NME5: variants seen among roughly 807,000 people sequenced by gnomAD.
NME5 encodes NME/NM23 family member 5, also known as nucleoside diphosphate kinase 5.
In NME5, 18 loss-of-function variants were observed where a neutral mutation model predicts 21.6. The ratio of observed to expected loss-of-function variants is 0.83; its 90% CI spans 0.58 to 1.24. The LOEUF (loss-of-function observed/expected upper bound fraction) is 1.24, where lower values mean the gene tolerates loss of function less well. Ranked by LOEUF, NME5 falls within the 50% of genes most tolerant of loss-of-function variation. NME5 has a pLI of 0.00. For missense variants in NME5, 223 were observed against 255.4 expected, an observed-to-expected ratio of 0.87 and a Z score of 0.86; for synonymous variants, 70 against 80.6, an observed-to-expected ratio of 0.87 and a Z score of 0.71.
chr5:138,136,265 G>A (rs1581388318), intron 2 of NME5, among the ~76,000 whole-genome samples: 2 of 152,212 alleles, frequency 1.3e-5, no homozygotes, highest in African/African-American at 2.4e-5. Context: ...CAGAACTGCT[G>A]GATCAAATGG....
rs1245884787 is a variant in NME5, at chr5:138,132,232, C to T, written c.130-2764G>A. On this transcript the variant is annotated intron_variant, in intron 2 of 5. Transcript: ENST00000265191. ...AAAATTGGTGGTGCACACCTGTAGT[C>T]TCAGTTAATCGGGAGGCTGAGGCAC... is the stretch of plus-strand genomic sequence containing the variant. Among the ~76,000 whole-genome samples the T allele has an allele frequency of 2.0e-5, 3 of 151,664 alleles. No individual in the cohort carries two copies. The East Asian group carries it at 5.8e-4, about 29-fold the overall frequency.
At chr5:138,126,696 C>T (rs1030276159) in intron 4 of NME5, among the ~76,000 whole-genome samples, 12 of 151,458 alleles carry the variant, frequency 7.9e-5, no homozygotes, top group African/African-American at 2.9e-4. Context: ...GCCTATAATC[C>T]CAACATTTTG....
intron 4 of NME5, chr5:138,127,397 A>C (rs528745042): frequency 1.2e-6 from 1 of 837,560 alleles, no homozygotes; most frequent in East Asian, 1.2e-4. Context: ...AAACATGTGA[A>C]ATCTCCAAAA....
chr5:138,127,095 G>A (rs1486840087), intron 4 of NME5, among the ~76,000 whole-genome samples: 2 of 152,132 alleles, frequency 1.3e-5, no homozygotes. Flanking sequence ...TGAGGCAGGA[G>A]GACTGCTTTG....
intron 2 of NME5, among the ~76,000 whole-genome samples, chr5:138,129,822 C>T (rs1485945612): frequency 1.3e-5 from 2 of 151,984 alleles, no homozygotes; most frequent in Non-Finnish European, 1.5e-5. Context: ...GCCGGGCGGG[C>T]GGCATGCGCC....
intron 4 of NME5, among the ~76,000 whole-genome samples, chr5:138,120,480 C>T (rs572863714): frequency 1.3e-5 from 2 of 151,850 alleles, no homozygotes; most frequent in South Asian, 2.1e-4. Flanking sequence ...CCTTGTGAGC[C>T]GCCTGCCTCG....
Position 138,115,647 on chromosome 5 carries a change from T to C in NME5, c.*34A>G. ...AGAAGTACAGCCTTTTATAATAAGA[T>C]AGTTCATGATTTGTTCTTTCGAGGA... is the stretch of plus-strand genomic sequence containing the variant. On this transcript the variant is annotated 3_prime_UTR_variant, in exon 6 of 6. Transcript: ENST00000265191. The C allele has an allele frequency of 7.6e-7, 1 of 1,317,394 alleles. No homozygotes were observed. 81.6% of individuals were successfully genotyped at this position (1,317,394 alleles called of 1,614,324 possible).
intron 5 of NME5, among the ~76,000 whole-genome samples, chr5:138,118,522 G>A (rs1045463210): frequency 9.9e-5 from 15 of 151,690 alleles, no homozygotes; most frequent in Non-Finnish European, 1.9e-4. Context: ...GTCTTGCTCT[G>A]TCACCCAGGC....
rs1561586403 is a variant in NME5, at chr5:138,120,227, G to GTT, written c.437-1292_437-1291insAA. 2.5e-5 allele frequency among the ~76,000 whole-genome samples: 3 copies of GTT among 118,044 alleles called. 1 individual carries two copies. The highest frequency in any genetic ancestry group is 3.4e-5 in the Non-Finnish European group (2 of 59,396). The allele number at this position is 118,044 out of a possible 152,430, so 77.4% of individuals were successfully genotyped here. On this transcript the variant is annotated intron_variant, in intron 4 of 5. Transcript: ENST00000265191. ...TTACAGGTGCAAACCACTGCTCCCA[G>GTT]CTCTTTTTTTTTTTTTTTTTTTTTT...
In NME5 at chr5:138,133,352, G is replaced by A. The variant is rs186319206; in HGVS notation, c.130-3884C>T. Among the ~76,000 whole-genome samples the A allele has an allele frequency of 3.7e-3, 565 of 151,680 alleles. 3 individuals are homozygous for A. Among genetic ancestry groups the A allele is most frequent in the African/African-American group, 0.013 (537 of 41,266 alleles). The stretch of plus-strand genomic sequence containing the variant: ...TGATCTCCTGACCTCATGATCTGCC[G>A]CCTCGGCCTCTCAAAGTGCTGGGAT... On this transcript the variant is annotated intron_variant, in intron 2 of 5. Transcript: ENST00000265191.
chr5:138,124,355 A>G (rs1206982738), intron 4 of NME5, among the ~76,000 whole-genome samples: 1 of 152,004 alleles, frequency 6.6e-6, no homozygotes, highest in East Asian at 1.9e-4. Flanking sequence ...CTTTAGAAAA[A>G]TATCTATTCA....
intron 2 of NME5, among the ~76,000 whole-genome samples, chr5:138,136,175 C>T (rs969670760): frequency 6.6e-6 from 1 of 152,180 alleles, no homozygotes; most frequent in Non-Finnish European, 1.5e-5. Context: ...ATACAGGCAC[C>T]TACTGATGGG....
At position 138,115,597 on chromosome 5, in the gene NME5, C is replaced by T; in HGVS notation, c.*84G>A. 9 of 735,810 alleles carry T rather than the reference C, an allele frequency of 1.2e-5. No homozygotes were observed. The highest frequency in any genetic ancestry group is 4.7e-5 in the South Asian group (2 of 42,980). 45.6% of individuals were successfully genotyped at this position (735,810 alleles called of 1,614,324 possible). ...TTATTTTACTTGTAGTTACTTAAAC[C>T]CTAGAAATAATTTTTTCAAACAGTA... On this transcript the variant is annotated 3_prime_UTR_variant, in exon 6 of 6. Transcript: ENST00000265191.
intron 2 of NME5, among the ~76,000 whole-genome samples, chr5:138,132,817 A>C (rs1751599595): frequency 6.6e-6 from 1 of 152,232 alleles, no homozygotes; most frequent in Non-Finnish European, 1.5e-5. Context: ...ATTTGTTCTC[A>C]AATTGAAATT....
At position 138,118,820 on chromosome 5, in the gene NME5, A is replaced by G; in HGVS notation, c.553T>C (p.Leu185=). The change falls in exon 5 of 6, where the codon TTG becomes CTG. Residue 185 remains leucine (L), a splice_region_variant and synonymous_variant. Coordinates refer to ENST00000265191, the MANE Select transcript of NME5 (RefSeq NM_003551.3). The part of the protein sequence containing the change: ...ELCKQKPADP[L]IWLADWLLKN... Reference sequence around the variant, plus strand: ...GTGTGAATAAAAATATTTCTTACCAAAGGATCTGCTGGTTTTTGCTTACAA... The same window carrying G: ...GTGTGAATAAAAATATTTCTTACCAGAGGATCTGCTGGTTTTTGCTTACAA... 6.3e-7 allele frequency: 1 copy of G among 1,586,880 alleles called. No individual in the cohort carries two copies. The highest frequency in any genetic ancestry group is 2.2e-5 in the East Asian group (1 of 44,712).
intron 2 of NME5, chr5:138,138,389 T>G (rs1284775720): frequency 3.0e-6 from 1 of 336,898 alleles, no homozygotes; most frequent in African/African-American, 2.2e-5. Context: ...AGAAAACTCC[T>G]GGAAGAACAG....
intron 2 of NME5, among the ~76,000 whole-genome samples, chr5:138,134,787 G>C (rs1488712821): frequency 6.7e-6 from 1 of 149,248 alleles, no homozygotes; most frequent in Non-Finnish European, 1.5e-5. Flanking sequence ...GTGCAGTGGC[G>C]CGATCTCAGC....
intron 4 of NME5, among the ~76,000 whole-genome samples, chr5:138,126,821 G>A (rs570530407): frequency 6.6e-6 from 1 of 151,942 alleles, no homozygotes; most frequent in East Asian, 1.9e-4. Flanking sequence ...GGTGATATGC[G>A]CCTGTGGTTC....
At chr5:138,124,191 C>G (rs2151161755) in intron 4 of NME5, among the ~76,000 whole-genome samples, 1 of 151,032 alleles carries the variant, frequency 6.6e-6, no homozygotes, top group South Asian at 2.1e-4. Flanking sequence ...TTAGTAGAGA[C>G]AGGGCTTCAC....
Sources: gnomAD v4.1 joint callset for allele counts (sites outside exome capture counted in the v4.1 genomes callset) on GRCh38, gnomAD v4.1.1 for gene constraint, MANE v1.5 for transcripts, NCBI Gene and HGNC (gene_info 2026-07-23, HGNC 2026-07-21) for gene names.